The following SNX25 variants were observed in gnomAD, a reference collection of about 807,000 sequenced individuals.
The protein encoded by SNX25 is sorting nexin-25.
In SNX25, 62 loss-of-function variants were observed where a neutral mutation model predicts 113.7. The observed-to-expected ratio is 0.55, with a 90% CI of 0.44 to 0.67. The LOEUF (loss-of-function observed/expected upper bound fraction) is 0.67. Ranked by LOEUF, SNX25 falls within the 30% of genes least tolerant of loss-of-function variation. The probability of loss-of-function intolerance (pLI) is 0.00; values close to 1 mark genes in which losing one functional copy is unlikely to be tolerated. For synonymous variants in SNX25, 421 were observed against 436.2 expected (o/e 0.97, Z 0.43); for missense variants, 1,014 against 1,161.0 (o/e 0.87, Z 1.84).
At chr4:185,212,729 C>G (rs1738148578) in intron 1 of SNX25, among the ~76,000 whole-genome samples, 1 of 152,102 alleles carries the variant, frequency 6.6e-6, no homozygotes, top group Non-Finnish European at 1.5e-5. Flanking sequence ...TATCTACAGT[C>G]AGTGCTGTGG....
chr4:185,304,568 A>T (rs926621630), intron 6 of SNX25, among the ~76,000 whole-genome samples: 4 of 151,992 alleles, frequency 2.6e-5, no homozygotes, highest in Non-Finnish European at 5.9e-5. Context: ...TGTTGATCAG[A>T]CTGGTCTCCA....
At chr4:185,360,928 AT>A (rs2095358847) in intron 16 of SNX25, among the ~76,000 whole-genome samples, 1 of 115,886 alleles carries the variant, frequency 8.6e-6, no homozygotes, top group East Asian at 2.3e-4. Context: ...CAAAAAAAAA[AT>A]AATATATATA....
chr4:185,255,459 A>G lies in SNX25; in HGVS notation c.515-3389A>G, dbSNP rs921610338. Among the ~76,000 whole-genome samples the G allele has an allele frequency of 4.6e-5, 7 of 152,198 alleles. No individual in the cohort carries two copies. The South Asian group carries it at 1.5e-3, about 32-fold the overall frequency. On this transcript the variant is annotated intron_variant, in intron 2 of 18. Coordinates refer to ENST00000652585, the MANE Select transcript of SNX25 (RefSeq NM_001378034.2). ...CGTACTTTTTATATTTAAGTTATGTATAGTTTTTTGATACTTAGCTTGAAG... is the reference window on the plus strand; with the variant it reads ...CGTACTTTTTATATTTAAGTTATGTGTAGTTTTTTGATACTTAGCTTGAAG...
At chr4:185,248,824 C>T (rs1745219498) in intron 2 of SNX25, among the ~76,000 whole-genome samples, 1 of 152,194 alleles carries the variant, frequency 6.6e-6, no homozygotes, top group Non-Finnish European at 1.5e-5. Flanking sequence ...AAATCTGCCT[C>T]ATGCTCCCCT....
chr4:185,218,973 A>G (rs1409084682), intron 1 of SNX25, among the ~76,000 whole-genome samples: 1 of 152,120 alleles, frequency 6.6e-6, no homozygotes, highest in Non-Finnish European at 1.5e-5. Context: ...CCACCCCATC[A>G]GCATTTCTGG....
chr4:185,259,087 C>T, intron 3 of SNX25, 23 bp downstream of exon 3: 1 of 1,591,168 alleles, frequency 6.3e-7, no homozygotes, highest in Non-Finnish European at 8.6e-7. Context: ...AGCAACTTAC[C>T]CCCTTTTTTG....
intron 6 of SNX25, among the ~76,000 whole-genome samples, chr4:185,299,300 ATGC>A (rs111538826): frequency 6.6e-5 from 10 of 152,292 alleles, no homozygotes; most frequent in African/African-American, 2.2e-4. Flanking sequence ...CGTGCTTGAT[ATGC>A]AGTGGAGAGA....
chr4:185,376,302 G>A, the SNX25 span, among the ~76,000 whole-genome samples: 24 of 152,140 alleles, frequency 1.6e-4, 1 homozygote, highest in Admixed American at 2.0e-4. Context: ...TTTTGAGAGG[G>A]AGTCTCGCTC....
intron 1 of SNX25, among the ~76,000 whole-genome samples, chr4:185,227,281 T>C (rs1336798540): frequency 6.6e-6 from 1 of 152,266 alleles, no homozygotes; most frequent in Non-Finnish European, 1.5e-5. Context: ...TCTTGTTTTG[T>C]TTCCCTTACC....
At chr4:185,214,520 C>T (rs1311518705) in intron 1 of SNX25, among the ~76,000 whole-genome samples, 1 of 151,840 alleles carries the variant, frequency 6.6e-6, no homozygotes, top group Non-Finnish European at 1.5e-5. Flanking sequence ...CTGCAGTGAG[C>T]CATGATCACA....
chr4:185,330,788 A>C (rs992884750), intron 9 of SNX25, among the ~76,000 whole-genome samples: 3 of 151,398 alleles, frequency 2.0e-5, no homozygotes, highest in Admixed American at 1.3e-4. Context: ...CTTCATATAC[A>C]TTCTTTTTTT....
chr4:185,213,419 A>C (rs1352795823), intron 1 of SNX25, among the ~76,000 whole-genome samples: 1 of 152,220 alleles, frequency 6.6e-6, no homozygotes, highest in Non-Finnish European at 1.5e-5. Context: ...GGTTTTGTGA[A>C]GGTCAGGAAG....
chr4:185,244,666 A>G (rs184862850), intron 1 of SNX25, among the ~76,000 whole-genome samples: 17 of 152,326 alleles, frequency 1.1e-4, no homozygotes, highest in Non-Finnish European at 2.1e-4. Context: ...GTCTTTGTCT[A>G]TATATGATTA....
intron 1 of SNX25, among the ~76,000 whole-genome samples, chr4:185,227,490 T>G (rs58670155): frequency 0.025 from 3,801 of 152,354 alleles, 65 homozygotes; most frequent in South Asian, 0.067. Flanking sequence ...GGAAGGACTT[T>G]GCCTGCATTT....
chr4:185,231,979 G>A (rs779894873), intron 1 of SNX25, among the ~76,000 whole-genome samples: 3 of 152,170 alleles, frequency 2.0e-5, no homozygotes, highest in Non-Finnish European at 4.4e-5. Flanking sequence ...GCTGCTAGGT[G>A]TGGGGCCCAG....
intron 10 of SNX25, among the ~76,000 whole-genome samples, chr4:185,335,938 G>A (rs1231574810): frequency 6.6e-6 from 1 of 152,156 alleles, no homozygotes. Context: ...CATAGGCAAG[G>A]AGTGCTTCCT....
chr4:185,216,266 C>G (rs1273799379), intron 1 of SNX25, among the ~76,000 whole-genome samples: 4 of 152,128 alleles, frequency 2.6e-5, no homozygotes, highest in Non-Finnish European at 5.9e-5. Flanking sequence ...GGCACATACA[C>G]ACATGTATTC....
rs1303921565 is a variant in SNX25 at position 185,335,316 on chromosome 4, T to TCTCACACACA, written c.1914+2558_1914+2559insTCACACACAC. Among the ~76,000 whole-genome samples, 12 of 140,898 alleles carry TCTCACACACA rather than the reference T, an allele frequency of 8.5e-5. No homozygotes were observed. In the East Asian group the frequency reaches 1.9e-3, roughly 22 times the overall value. 92.4% of individuals were successfully genotyped at this position (140,898 alleles called of 152,430 possible). ...GCCTGGGCAATAGAGTGAAAAAGTC[T>TCTCACACACA]CACACACACACACACACACACACAC... is the stretch of plus-strand genomic sequence containing the variant. On this transcript the variant is annotated intron_variant, in intron 10 of 18. Transcript: ENST00000652585.
At chr4:185,376,229 G>A in the SNX25 span, among the ~76,000 whole-genome samples, 2 of 152,136 alleles carry the variant, frequency 1.3e-5, no homozygotes, top group Non-Finnish European at 2.9e-5. Flanking sequence ...CTAAGTACTA[G>A]ATAAAAATCA....
Sources: gnomAD v4.1 joint callset for allele counts (sites outside exome capture counted in the v4.1 genomes callset) on GRCh38, gnomAD v4.1.1 for gene constraint, MANE v1.5 for transcripts, NCBI Gene and HGNC (gene_info 2026-07-23, HGNC 2026-07-21) for gene names.